ATF7IP2: variants seen among roughly 807,000 people sequenced by gnomAD.
The protein encoded by ATF7IP2 is activating transcription factor 7 interacting protein 2, also known as activating transcription factor 7-interacting protein 2.
In ATF7IP2, 42 loss-of-function variants were observed where a neutral mutation model predicts 64.2. That is an observed-to-expected ratio of 0.65 (90% CI 0.51 to 0.85). ATF7IP2 has a LOEUF of 0.85. Ranked by LOEUF, ATF7IP2 falls within the 40% of genes least tolerant of loss-of-function variation. ATF7IP2 has a pLI of 0.00. For missense variants in ATF7IP2, 933 were observed against 784.2 expected, an observed-to-expected ratio of 1.19 and a Z score of -2.27; for synonymous variants, 308 against 272.8, an observed-to-expected ratio of 1.13 and a Z score of -1.27.
chr16:10,440,330 G>A, intron 7 of ATF7IP2, 34 bp from the exon 8 acceptor site: 4 of 1,136,006 alleles, frequency 3.5e-6, no homozygotes, highest in Non-Finnish European at 5.1e-6. Flanking sequence ...TAGTACTCTG[G>A]CTTAGTATTT....
At chr16:10,401,326 C>G in intron 1 of ATF7IP2, among the ~76,000 whole-genome samples, 1 of 152,030 alleles carries the variant, frequency 6.6e-6, no homozygotes, top group Non-Finnish European at 1.5e-5. Context: ...TACCACCATG[C>G]CTGGCTCATT....
intron 12 of ATF7IP2, among the ~76,000 whole-genome samples, chr16:10,477,470 C>T (rs1033767753): frequency 3.3e-5 from 5 of 151,994 alleles, no homozygotes; most frequent in East Asian, 1.9e-4. Flanking sequence ...ATTGATGGGA[C>T]GTATCTCAAA....
In ATF7IP2 at chr16:10,482,459, A is replaced by G. The variant is rs913081950; in HGVS notation, c.*210A>G. ...CCTTCCAATGGATAAGTTCTAAAAC[A>G]TACGCTATCATTGGCCCATGTTGCT... On this transcript the variant is annotated 3_prime_UTR_variant, in exon 14 of 14. Coordinates refer to ENST00000562102, the MANE Select transcript of ATF7IP2 (RefSeq NM_001393719.1). 3 of 429,092 alleles carry G rather than the reference A, an allele frequency of 7.0e-6. No homozygotes were observed. Among genetic ancestry groups the G allele is most frequent in the East Asian group, 4.2e-5 (1 of 23,852 alleles). 26.6% of individuals were successfully genotyped at this position (429,092 alleles called of 1,614,324 possible). A position where few individuals can be genotyped will look rare whatever the true frequency, so the allele number is the denominator to read the frequency against.
In ATF7IP2 at chr16:10,482,009, C is replaced by T. The variant is rs1172185385; in HGVS notation, c.1809C>T (p.Pro603=). 6.2e-7 allele frequency: 1 copy of T among 1,613,984 alleles called. No individual in the cohort carries two copies. The highest frequency in any genetic ancestry group is 1.7e-5 in the Admixed American group (1 of 59,988). ...CTTGGAATATAACCAAAATCAATCCCAAGTGTGCTCCTGTAGAAAGCTACC... is the reference window on the plus strand; with the variant it reads ...CTTGGAATATAACCAAAATCAATCCTAAGTGTGCTCCTGTAGAAAGCTACC... ...ALTWNITKIN[P]KCAPVESYHL... The change falls in exon 14 of 14, where the codon CCC becomes CCT. Residue 603 remains proline, a synonymous_variant. Transcript: ENST00000562102.
At chr16:10,457,569 TATA>T (rs2049220690) in intron 9 of ATF7IP2, 40 bp downstream of exon 9, 2 of 1,411,990 alleles carry the variant, frequency 1.4e-6, no homozygotes, top group Non-Finnish European at 1.9e-6. Flanking sequence ...TATCTAAATC[TATA>T]ATAATGAATT....
chr16:10,475,096 A>G (rs1234259811), intron 12 of ATF7IP2, among the ~76,000 whole-genome samples: 1 of 152,196 alleles, frequency 6.6e-6, no homozygotes, highest in African/African-American at 2.4e-5. Flanking sequence ...TTGCTATCAG[A>G]AATAAAGGAA....
At chr16:10,440,180 TTA>T (rs988695894) in intron 7 of ATF7IP2, among the ~76,000 whole-genome samples, 182 bp from the exon 8 acceptor site, 3 of 151,846 alleles carry the variant, frequency 2.0e-5, no homozygotes, top group African/African-American at 4.8e-5. Context: ...TTTTTTTTAT[TTA>T]TATATATGTA....
chr16:10,474,576 T>C (rs1420775717), intron 12 of ATF7IP2, among the ~76,000 whole-genome samples: 1 of 152,154 alleles, frequency 6.6e-6, no homozygotes, highest in Admixed American at 6.5e-5. Context: ...GTGTCTGTCG[T>C]CTTTCACAGA....
chr16:10,387,553 A>G (rs1567417404), intron 1 of ATF7IP2: 2 of 152,334 alleles, frequency 1.3e-5, no homozygotes, highest in African/African-American at 4.8e-5. Flanking sequence ...TCAGCCTTCA[A>G]TTCCATTGTG....
intron 8 of ATF7IP2, chr16:10,445,811 A>C (rs545791320): frequency 1.3e-5 from 2 of 152,278 alleles, no homozygotes; most frequent in Non-Finnish European, 2.9e-5. Context: ...CTGGCCCTGG[A>C]GATTATTAAA....
chr16:10,386,325 C>G (rs1347070256), intron 1 of ATF7IP2: 3 of 152,254 alleles, frequency 2.0e-5, no homozygotes, highest in Admixed American at 2.0e-4. Context: ...GAGGGGCGGA[C>G]GGGCGCGTCT....
At chr16:10,394,850 CA>C (rs1395044291) in intron 1 of ATF7IP2, among the ~76,000 whole-genome samples, 1 of 152,036 alleles carries the variant, frequency 6.6e-6, no homozygotes, top group Non-Finnish European at 1.5e-5. Flanking sequence ...GGTACAATTA[CA>C]GCAATTCTTA....
Position 10,462,247 on chromosome 16 carries a change from A to G in ATF7IP2, c.1352+4718A>G, listed in dbSNP as rs180997547. 8.4e-4 allele frequency among the ~76,000 whole-genome samples: 128 copies of G among 152,176 alleles called. 2 individuals are homozygous for G. The highest frequency in any genetic ancestry group is 4.9e-3 in the Admixed American group (75 of 15,296). On this transcript the variant is annotated intron_variant, in intron 9 of 13. Transcript: ENST00000562102. ...CATTAAGTCCTAGAGGATGACTACT[A>G]TGTACCATCATTTTTTATTTCGAGT...
chr16:10,427,844 C>A (rs1274499718), intron 3 of ATF7IP2, among the ~76,000 whole-genome samples: 1 of 149,720 alleles, frequency 6.7e-6, no homozygotes, highest in Non-Finnish European at 1.5e-5. Context: ...AGCAGCAAGA[C>A]CCTGTCTCAA....
At chr16:10,411,554 G>A (rs992571239) in intron 1 of ATF7IP2, among the ~76,000 whole-genome samples, 11 of 151,968 alleles carry the variant, frequency 7.2e-5, no homozygotes, top group Non-Finnish European at 1.6e-4. Flanking sequence ...ATTTTTAGTA[G>A]AGATGTGGTT....
chr16:10,403,129 A>G (rs2883307), intron 1 of ATF7IP2, among the ~76,000 whole-genome samples: 120,685 of 152,128 alleles, frequency 0.79, 48,746 homozygotes, highest in African/African-American at 0.95. Flanking sequence ...TGGATGTCAG[A>G]TATAAATCCT....
intron 1 of ATF7IP2, chr16:10,387,335 G>GA (rs1462685882): frequency 6.6e-6 from 1 of 152,228 alleles, no homozygotes; most frequent in Non-Finnish European, 1.5e-5. Flanking sequence ...TACGTTTGTA[G>GA]AAGTGTTGAC....
chr16:10,398,277 C>T (rs1178084891), intron 1 of ATF7IP2, among the ~76,000 whole-genome samples: 1 of 150,796 alleles, frequency 6.6e-6, no homozygotes, highest in East Asian at 1.9e-4. Flanking sequence ...GCACTCTAGT[C>T]TGGGCAACAG....
intron 6 of ATF7IP2, among the ~76,000 whole-genome samples, chr16:10,435,885 G>T (rs1310202478): frequency 6.6e-6 from 1 of 152,100 alleles, no homozygotes; most frequent in Non-Finnish European, 1.5e-5. Context: ...CCTCACCAAG[G>T]ATGAGGAACA....
Sources: allele counts gnomAD v4.1 joint callset (sites outside exome capture counted in the v4.1 genomes callset), GRCh38; gene constraint gnomAD v4.1.1; transcripts MANE v1.5; gene names NCBI Gene and HGNC (gene_info 2026-07-23, HGNC 2026-07-21).